Variants in ASIC2 observed in about 807,000 individuals in gnomAD.
ASIC2 encodes the protein acid-sensing ion channel 2.
A neutral mutation model predicts 57.3 loss-of-function variants in ASIC2; 25 were observed. The observed-to-expected ratio is 0.44, with a 90% CI of 0.32 to 0.61. The LOEUF (loss-of-function observed/expected upper bound fraction) is 0.61. ASIC2 is among the 20% of genes least tolerant of loss of function. The pLI is 0.06. For synonymous variants in ASIC2, 319 were observed against 307.5 expected (o/e 1.04, Z -0.39); for missense variants, 641 against 738.1 (o/e 0.87, Z 1.52).
chr17:33,500,383 G>T (rs1432546323), intron 1 of ASIC2, among the ~76,000 whole-genome samples: 2 of 152,150 alleles, frequency 1.3e-5, no homozygotes, highest in Non-Finnish European at 2.9e-5. Context: ...GAAGTCCCAG[G>T]GGAGGGTTTT....
intron 7 of ASIC2, 27 bp from the exon 8 acceptor site, chr17:33,017,711 C>T (rs376971457): frequency 3.1e-6 from 5 of 1,602,470 alleles, no homozygotes; most frequent in African/African-American, 1.3e-5. Flanking sequence ...AAGACCAAAG[C>T]TTTGCTTTTA....
At chr17:33,788,350 T>G (rs1362526932) in intron 1 of ASIC2, among the ~76,000 whole-genome samples, 1 of 151,694 alleles carries the variant, frequency 6.6e-6, no homozygotes, top group Non-Finnish European at 1.5e-5. Context: ...AAAACCACAA[T>G]GAGATACCAT....
chr17:33,255,600 C>CG (rs1401952742), intron 1 of ASIC2, among the ~76,000 whole-genome samples: 38 of 98,656 alleles, frequency 3.9e-4, no homozygotes, highest in African/African-American at 1.3e-3. Context: ...ATCGGAGGGA[C>CG]GGGGGGGTGG....
chr17:33,623,786 C>G (rs1049645219), intron 1 of ASIC2, among the ~76,000 whole-genome samples: 16 of 151,818 alleles, frequency 1.1e-4, no homozygotes, highest in African/African-American at 3.4e-4. Context: ...TCTTCTTTTT[C>G]TCTACTCCAG....
intron 3 of ASIC2, among the ~76,000 whole-genome samples, chr17:33,046,076 C>T (rs16592): frequency 0.22 from 33,149 of 152,148 alleles, 3,858 homozygotes; most frequent in East Asian, 0.36. Flanking sequence ...GTGGTGTCAT[C>T]TGGGGCTTGA....
At chr17:33,601,749 G>A (rs34711409) in intron 1 of ASIC2, among the ~76,000 whole-genome samples, 20,927 of 152,214 alleles carry the variant, frequency 0.14, 1,629 homozygotes, top group Non-Finnish European at 0.17. Context: ...GTGAGAGAAT[G>A]AGTGGATTGA....
intron 1 of ASIC2, among the ~76,000 whole-genome samples, chr17:33,755,139 C>T (rs1567707228): frequency 6.6e-6 from 1 of 151,950 alleles, no homozygotes; most frequent in Non-Finnish European, 1.5e-5. Context: ...CAGAGGAAGG[C>T]AGGGGGACAT....
At chr17:34,126,905 G>C (rs1040995121) in intron 1 of ASIC2, among the ~76,000 whole-genome samples, 1 of 152,104 alleles carries the variant, frequency 6.6e-6, no homozygotes, top group African/African-American at 2.4e-5. Flanking sequence ...TGAGTAGCCC[G>C]GGCACGTCCC....
chr17:33,821,780 G>A (rs1001293162), intron 1 of ASIC2, among the ~76,000 whole-genome samples: 2 of 152,188 alleles, frequency 1.3e-5, no homozygotes, highest in African/African-American at 4.8e-5. Flanking sequence ...GGGAATGACA[G>A]CCCTGATTAA....
At chr17:33,263,749 G>A (rs1232550002) in intron 1 of ASIC2, among the ~76,000 whole-genome samples, 1 of 132,816 alleles carries the variant, frequency 7.5e-6, no homozygotes, top group Non-Finnish European at 1.7e-5. Flanking sequence ...GCATATGAAA[G>A]GGGGGCCCAC....
chr17:33,853,989 A>C (rs1824186232), intron 1 of ASIC2, among the ~76,000 whole-genome samples: 1 of 152,200 alleles, frequency 6.6e-6, no homozygotes, highest in African/African-American at 2.4e-5. Context: ...AAGTTGATAC[A>C]TTTGCCCATC....
intron 1 of ASIC2, among the ~76,000 whole-genome samples, chr17:33,982,095 C>T (rs1292526286): frequency 6.6e-6 from 1 of 152,192 alleles, no homozygotes; most frequent in Non-Finnish European, 1.5e-5. Flanking sequence ...TCCTTGTTCT[C>T]CTGGGAGCAG....
chr17:33,320,812 G>A (rs1218922286), intron 1 of ASIC2, among the ~76,000 whole-genome samples: 1 of 152,016 alleles, frequency 6.6e-6, no homozygotes, highest in Admixed American at 6.6e-5. Flanking sequence ...GTCACCCCAG[G>A]GAGTTCATGG....
chr17:33,180,947 C>G (rs1442305429), intron 1 of ASIC2, among the ~76,000 whole-genome samples: 3 of 152,204 alleles, frequency 2.0e-5, no homozygotes, highest in Non-Finnish European at 4.4e-5. Context: ...CGGCTGTGCT[C>G]TGCTTCACAT....
chr17:33,651,632 T>G (rs1469736178), intron 1 of ASIC2, among the ~76,000 whole-genome samples: 9 of 152,204 alleles, frequency 5.9e-5, no homozygotes. Context: ...ATTTGCCCCC[T>G]CTAGAGCCCA....
intron 1 of ASIC2, among the ~76,000 whole-genome samples, chr17:33,477,833 T>A (rs1913279820): frequency 6.6e-6 from 1 of 152,004 alleles, no homozygotes; most frequent in South Asian, 2.1e-4. Flanking sequence ...CCAAGCAAAG[T>A]ATAAGGAAAG....
intron 1 of ASIC2, among the ~76,000 whole-genome samples, chr17:33,413,020 T>A (rs1190008943): frequency 6.6e-6 from 1 of 152,164 alleles, no homozygotes; most frequent in Non-Finnish European, 1.5e-5. Flanking sequence ...GGGGCTACTG[T>A]CTCTGTGCCT....
In ASIC2 at chr17:33,451,258, G is replaced by T. The variant is rs559458563; in HGVS notation, c.556-339191C>A. Among the ~76,000 whole-genome samples the T allele has an allele frequency of 9.0e-4, 137 of 152,104 alleles. 2 individuals are homozygous for T. The South Asian group carries it at 0.027, about 30-fold the overall frequency. ...TTTTACAAAGTTTTGTATTTTTCAT[G>T]TTGCCCAGGCTGGTCTCTAACTCCT... On this transcript the variant is annotated intron_variant, in intron 1 of 9. Transcript: ENST00000359872.
At chr17:33,297,023 T>C (rs1905745998), upstream of ASIC2, among the ~76,000 whole-genome samples, 1 of 152,184 alleles carries the variant, frequency 6.6e-6, no homozygotes, top group Non-Finnish European at 1.5e-5. Flanking sequence ...TCCATGTGAA[T>C]TTCTCCCATT....
Sources: gnomAD v4.1 joint callset for allele counts (sites outside exome capture counted in the v4.1 genomes callset) on GRCh38, gnomAD v4.1.1 for gene constraint, MANE v1.5 for transcripts, NCBI Gene and HGNC (gene_info 2026-07-23, HGNC 2026-07-21) for gene names.